TSPAN15: variants seen among roughly 807,000 people sequenced by gnomAD.
The protein encoded by TSPAN15 is tetraspanin 15, also known as tetraspanin-15.
TSPAN15 carries 20 observed loss-of-function variants against 34.5 expected under a neutral mutation model. The ratio of observed to expected loss-of-function variants is 0.58; its 90% confidence interval spans 0.41 to 0.84. The LOEUF (loss-of-function observed/expected upper bound fraction) is 0.84, where lower values mean the gene tolerates loss of function less well. Ranked by LOEUF, TSPAN15 falls within the 40% of genes least tolerant of loss-of-function variation. TSPAN15 has a pLI of 0.00. For synonymous variants in TSPAN15, 155 were observed against 153.9 expected, an observed-to-expected ratio of 1.01 and a Z score of -0.05; for missense variants, 313 against 386.1, an observed-to-expected ratio of 0.81 and a Z score of 1.59.
chr10:69,494,715 G>A (rs1842041215), intron 3 of TSPAN15: 1 of 985,412 alleles, frequency 1.0e-6, no homozygotes, highest in African/African-American at 1.7e-5. Context: ...TGCCACCCCC[G>A]GGAATTGTCT....
chr10:69,479,240 C>G lies in TSPAN15; in HGVS notation c.97-4451C>G, dbSNP rs897399326. 2.6e-5 allele frequency among the ~76,000 whole-genome samples: 4 copies of G among 152,228 alleles called. No individual in the cohort carries two copies. The South Asian group carries it at 8.3e-4, about 31-fold the overall frequency. On this transcript the variant is annotated intron_variant, in intron 1 of 7. Coordinates refer to ENST00000373290, the MANE Select transcript of TSPAN15 (RefSeq NM_012339.5). ...CCCAGCTGTGGTGAGCCAGCCGGCA[C>G]GGGTGACCAGATGCTTCCTTCAGGA...
In TSPAN15 at chr10:69,507,284, G is replaced by C; in HGVS notation, c.*306G>C. The C allele has an allele frequency of 7.6e-7, 1 of 1,310,536 alleles. No individual in the cohort carries two copies. The highest frequency in any genetic ancestry group is 1.6e-5 in the South Asian group (1 of 63,962). The allele number at this position is 1,310,536 out of a possible 1,614,324, so 81.2% of individuals were successfully genotyped here. A position where few individuals can be genotyped will look rare whatever the true frequency, so the allele number is the denominator to read the frequency against. ...AGGGAGAGCCTGAGGCTCTGCTCAG[G>C]GCCCATTTCATCTCTGGCAGTGCCT... On this transcript the variant is annotated 3_prime_UTR_variant, in exon 8 of 8. Transcript: ENST00000373290.
the TSPAN15 span, among the ~76,000 whole-genome samples, chr10:69,535,113 C>T: frequency 6.6e-6 from 1 of 152,182 alleles, no homozygotes; most frequent in Non-Finnish European, 1.5e-5. Context: ...TGACCAAAAA[C>T]ATCTGGGCAT....
chr10:69,489,483 T>C (rs1841924241), intron 3 of TSPAN15, among the ~76,000 whole-genome samples: 1 of 152,240 alleles, frequency 6.6e-6, no homozygotes, highest in South Asian at 2.1e-4. Flanking sequence ...TGAAGTATTA[T>C]TTGGGAACTG....
chr10:69,496,007 G>C, intron 4 of TSPAN15, among the ~76,000 whole-genome samples: 1 of 152,054 alleles, frequency 6.6e-6, no homozygotes, highest in East Asian at 1.9e-4. Flanking sequence ...AAGCAACCTT[G>C]CAGGGTCCCA....
chr10:69,470,095 A>G (rs1377794069), intron 1 of TSPAN15, among the ~76,000 whole-genome samples: 2 of 152,204 alleles, frequency 1.3e-5, no homozygotes, highest in Non-Finnish European at 2.9e-5. Context: ...AGGCTAGACT[A>G]TCCTTACTTC....
rs1331534821 is a variant in TSPAN15 at position 69,506,642 on chromosome 10, G to A, written c.736-187G>A. On this transcript the variant is annotated intron_variant, in intron 7 of 7. Coordinates refer to ENST00000373290, the MANE Select transcript of TSPAN15 (RefSeq NM_012339.5). The surrounding 1 kb of genome is among the most constrained non-coding windows in gnomAD (Gnocchi z 4.7). Reference sequence around the variant, plus strand: ...CTGGGATTTCCTGGGAAGGGGAGAGGGGGCCCAGGTGGGAGCTTCTTGGGC... The same window carrying A: ...CTGGGATTTCCTGGGAAGGGGAGAGAGGGCCCAGGTGGGAGCTTCTTGGGC... Among the ~76,000 whole-genome samples the A allele has an allele frequency of 6.6e-6, 1 of 152,110 alleles. No individual in the cohort carries two copies. Among genetic ancestry groups the A allele is most frequent in the Non-Finnish European group, 1.5e-5 (1 of 68,002 alleles).
chr10:69,455,776 A>G (rs1043498259), intron 1 of TSPAN15, among the ~76,000 whole-genome samples: 4 of 151,908 alleles, frequency 2.6e-5, no homozygotes, highest in Non-Finnish European at 5.9e-5. Context: ...ATATGAATAT[A>G]TGTTATACAT....
Position 69,506,717 on chromosome 10 carries a change from C to A in TSPAN15, c.736-112C>A, listed in dbSNP as rs2133169416. On this transcript the variant is annotated intron_variant, in intron 7 of 7. Coordinates refer to ENST00000373290, the MANE Select transcript of TSPAN15 (RefSeq NM_012339.5). The surrounding 1 kb of genome is among the most constrained non-coding windows in gnomAD (Gnocchi z 4.7). ...TGCTGTGGGTGTTGCCCAGGTCACA[C>A]AGGACCATGAGGGCTTGGGACTGGC... is the stretch of plus-strand genomic sequence containing the variant. The A allele has an allele frequency of 1.8e-6, 2 of 1,114,208 alleles. No individual in the cohort carries two copies. The highest frequency in any genetic ancestry group is 2.6e-6 in the Non-Finnish European group (2 of 768,696). The allele number at this position is 1,114,208 out of a possible 1,614,324, so 69.0% of individuals were successfully genotyped here.
At chr10:69,525,228 T>G in the TSPAN15 span, among the ~76,000 whole-genome samples, 28 of 148,170 alleles carry the variant, frequency 1.9e-4, 1 homozygote, top group Middle Eastern at 0.01. Context: ...AACCTCTGTA[T>G]TTTTAGAGTT....
chr10:69,454,839 C>T (rs1038584333), intron 1 of TSPAN15, among the ~76,000 whole-genome samples: 1 of 151,904 alleles, frequency 6.6e-6, no homozygotes, highest in Non-Finnish European at 1.5e-5. Context: ...TAAATTACTA[C>T]TGATAGAAAT....
chr10:69,454,171 A>G (rs1171950899), intron 1 of TSPAN15, among the ~76,000 whole-genome samples: 2 of 152,234 alleles, frequency 1.3e-5, no homozygotes, highest in East Asian at 1.9e-4. Flanking sequence ...CTGGAGGGCC[A>G]TAAGTTTTAT....
the TSPAN15 span, among the ~76,000 whole-genome samples, chr10:69,516,488 T>C: frequency 6.6e-6 from 1 of 152,302 alleles, no homozygotes; most frequent in Middle Eastern, 3.4e-3. Flanking sequence ...CAGAGGGGCC[T>C]GGACTGAGGC....
rs3028371 is a variant in TSPAN15, at chr10:69,496,320, CAATAATAATAATAATAATAATAAT to C, written c.453+659_453+682del. Among the ~76,000 whole-genome samples the C allele has an allele frequency of 1.1e-4, 14 of 132,500 alleles. No homozygotes were observed. In the South Asian group the frequency reaches 3.4e-3, roughly 32 times the overall value. 86.9% of individuals were successfully genotyped at this position (132,500 alleles called of 152,430 possible). A position where few individuals can be genotyped will look rare whatever the true frequency, so the allele number is the denominator to read the frequency against. ...CTAGGTCCACCCAAATCTGTTGGTG[CAATAATAATAATAATAATAATAAT>C]AATAATAATAATAATAATAATAATA... On this transcript the variant is annotated intron_variant, in intron 4 of 7. Coordinates refer to ENST00000373290, the MANE Select transcript of TSPAN15 (RefSeq NM_012339.5).
the TSPAN15 span, among the ~76,000 whole-genome samples, chr10:69,538,603 G>A: frequency 6.6e-6 from 1 of 152,224 alleles, no homozygotes; most frequent in South Asian, 2.1e-4. Flanking sequence ...TCCACGTAAA[G>A]TGCATCACTC....
chr10:69,495,087 G>C (rs1423026430), intron 3 of TSPAN15: 1 of 161,024 alleles, frequency 6.2e-6, no homozygotes, highest in Non-Finnish European at 1.3e-5. Context: ...AGCCTGCTCT[G>C]TGACCTCACT....
intron 1 of TSPAN15, among the ~76,000 whole-genome samples, chr10:69,467,165 C>T (rs1039976642): frequency 6.6e-6 from 1 of 152,206 alleles, no homozygotes; most frequent in Non-Finnish European, 1.5e-5. Flanking sequence ...TCCCTTCCCC[C>T]AGGCCTCTTC....
rs181453661 is a variant in TSPAN15, at chr10:69,484,044, C to T, written c.282+168C>T. 6.9e-4 allele frequency: 407 copies of T among 586,004 alleles called. 2 individuals carry two copies. Among genetic ancestry groups the T allele is most frequent in the African/African-American group, 6.6e-3 (360 of 54,374 alleles). The allele number at this position is 586,004 out of a possible 1,614,324, so 36.3% of individuals were successfully genotyped here. On this transcript the variant is annotated intron_variant, in intron 2 of 7. Coordinates refer to ENST00000373290, the MANE Select transcript of TSPAN15 (RefSeq NM_012339.5). ...CACACTGGCCCAAGAATGCCCAGGC[C>T]ACCTCCCCTCCTGCATGTAAAAGCT...
intron 1 of TSPAN15, among the ~76,000 whole-genome samples, chr10:69,466,267 G>A (rs10823387): frequency 0.39 from 58,516 of 151,894 alleles, 11,949 homozygotes; most frequent in Non-Finnish European, 0.45. Context: ...TGGGAGACCC[G>A]GGTCGCAGCT....
Sources: gnomAD v4.1 joint callset for allele counts (sites outside exome capture counted in the v4.1 genomes callset) on GRCh38, gnomAD v4.1.1 for gene constraint, Gnocchi (gnomAD v3.1) non-coding constraint, MANE v1.5 for transcripts, NCBI Gene and HGNC (gene_info 2026-07-23, HGNC 2026-07-21) for gene names.